DLG2: variants seen among roughly 807,000 people sequenced by gnomAD.
DLG2 encodes the protein disks large homolog 2.
Under a neutral mutation model 132.5 loss-of-function variants are expected in DLG2, and 45 were observed. That is an observed-to-expected ratio of 0.34 (90% CI 0.27 to 0.44). DLG2 has a LOEUF of 0.44. Among genes scored for constraint, DLG2 ranks in the 20% least tolerant of loss-of-function variants. The probability of loss-of-function intolerance (pLI) is 1.00; values close to 1 mark genes in which losing one functional copy is unlikely to be tolerated. For missense variants in DLG2, 1,045 were observed against 1,196.9 expected (o/e 0.87, Z 1.87); for synonymous variants, 424 against 419.6 (o/e 1.01, Z -0.13).
At chr11:84,658,858 C>T (rs150366276) in intron 6 of DLG2, among the ~76,000 whole-genome samples, 15 of 152,266 alleles carry the variant, frequency 9.9e-5, no homozygotes, top group African/African-American at 3.4e-4. Flanking sequence ...ATTATCCAGC[C>T]TCAGATATTC....
At chr11:85,537,719 C>T (rs1402454230) in intron 3 of DLG2, among the ~76,000 whole-genome samples, 2 of 151,718 alleles carry the variant, frequency 1.3e-5, no homozygotes, top group East Asian at 3.9e-4. Context: ...AGGTCTGCAG[C>T]TTCACTCCTG....
chr11:85,543,303 A>G (rs1004360780), intron 3 of DLG2, among the ~76,000 whole-genome samples: 1 of 152,202 alleles, frequency 6.6e-6, no homozygotes, highest in African/African-American at 2.4e-5. Context: ...ATGTCCCTGC[A>G]AAGGATATTA....
chr11:83,809,579 A>G (rs2046754223), intron 17 of DLG2, among the ~76,000 whole-genome samples: 2 of 152,136 alleles, frequency 1.3e-5, no homozygotes, highest in Admixed American at 6.6e-5. Context: ...TAAATTCTAT[A>G]TTTGCTCCTG....
intron 11 of DLG2, among the ~76,000 whole-genome samples, chr11:84,029,650 A>T (rs2095637880): frequency 6.6e-6 from 1 of 152,122 alleles, no homozygotes; most frequent in Admixed American, 6.6e-5. Context: ...ACACAACTCT[A>T]AGTGGCAGGT....
intron 18 of DLG2, among the ~76,000 whole-genome samples, chr11:83,672,378 T>C (rs1187586563): frequency 6.6e-6 from 1 of 152,084 alleles, no homozygotes; most frequent in African/African-American, 2.4e-5. Flanking sequence ...GGTTTCTCCA[T>C]GTTGGTCAGG....
intron 19 of DLG2, among the ~76,000 whole-genome samples, chr11:83,618,497 C>T (rs79092256): frequency 0.016 from 2,455 of 152,204 alleles, 68 homozygotes; most frequent in African/African-American, 0.057. Context: ...CGTTATTCCT[C>T]ATAAACTTTA....
intron 6 of DLG2, among the ~76,000 whole-genome samples, chr11:84,830,783 T>C (rs1455014952): frequency 6.6e-6 from 1 of 151,538 alleles, no homozygotes; most frequent in Non-Finnish European, 1.5e-5. Context: ...AATTTAATCT[T>C]AGAATATCTT....
chr11:85,351,959 G>A (rs1461385479), intron 3 of DLG2, among the ~76,000 whole-genome samples: 1 of 152,150 alleles, frequency 6.6e-6, no homozygotes, highest in African/African-American at 2.4e-5. Context: ...TTTTGCTATT[G>A]ATTGGAATAG....
chr11:85,145,798 GT>G (rs1392867214), intron 5 of DLG2, among the ~76,000 whole-genome samples: 1 of 151,926 alleles, frequency 6.6e-6, no homozygotes, highest in African/African-American at 2.4e-5. Flanking sequence ...GTTTCTGAAA[GT>G]TCATCTATTT....
chr11:85,242,241 C>T (rs1198261231), intron 4 of DLG2, among the ~76,000 whole-genome samples: 1 of 151,952 alleles, frequency 6.6e-6, no homozygotes, highest in Non-Finnish European at 1.5e-5. Context: ...TCCAGTGTTA[C>T]TATTGACAAA....
At chr11:84,415,177 G>A (rs987906768) in intron 7 of DLG2, among the ~76,000 whole-genome samples, 1 of 152,160 alleles carries the variant, frequency 6.6e-6, no homozygotes, top group African/African-American at 2.4e-5. Context: ...TCACATATCA[G>A]AACTTGTTCT....
chr11:83,791,084 A>T, intron 17 of DLG2: 1 of 689,026 alleles, frequency 1.5e-6, no homozygotes. Flanking sequence ...TCAGGGGTGG[A>T]CTCGGACTGG....
At chr11:84,143,182 A>G (rs959133713) in intron 9 of DLG2, among the ~76,000 whole-genome samples, 1 of 79,512 alleles carries the variant, frequency 1.3e-5, no homozygotes, top group African/African-American at 2.9e-5. Context: ...TTTTTTAGTC[A>G]GTATATAAAA....
intron 8 of DLG2, among the ~76,000 whole-genome samples, chr11:84,174,762 G>A (rs2095910773): frequency 6.6e-6 from 1 of 151,900 alleles, no homozygotes; most frequent in Non-Finnish European, 1.5e-5. Flanking sequence ...TTTTCTTATC[G>A]ATACCCTGGA....
chr11:84,288,401 AATAG>A (rs763585232), intron 7 of DLG2, among the ~76,000 whole-genome samples: 20 of 152,112 alleles, frequency 1.3e-4, no homozygotes, highest in Admixed American at 7.2e-4. Context: ...TGAGGGTGAT[AATAG>A]ATTTCTATTT....
At chr11:84,509,439 A>G (rs1234315435) in intron 7 of DLG2, among the ~76,000 whole-genome samples, 3 of 152,206 alleles carry the variant, frequency 2.0e-5, no homozygotes, top group Admixed American at 2.0e-4. Context: ...TTTCTGGACA[A>G]GTGAAACCTT....
intron 18 of DLG2, among the ~76,000 whole-genome samples, chr11:83,747,275 TCTTCCTTCC>T (rs2092976952): frequency 1.6e-5 from 2 of 121,582 alleles, no homozygotes; most frequent in South Asian, 2.9e-4. Context: ...TGCTTTAAAA[TCTTCCTTCC>T]TTCCTTCCTT....
intron 8 of DLG2, among the ~76,000 whole-genome samples, 183 bp from the exon 9 acceptor site, chr11:84,163,694 A>C (rs1293312641): frequency 6.6e-6 from 1 of 152,180 alleles, no homozygotes; most frequent in East Asian, 1.9e-4. Context: ...TCTAAAATAT[A>C]TGACTGAGAT....
chr11:84,800,959 C>G (rs114188053), intron 6 of DLG2, among the ~76,000 whole-genome samples: 256 of 152,208 alleles, frequency 1.7e-3, no homozygotes, highest in African/African-American at 5.9e-3. Context: ...GTGTAGTGTT[C>G]TTAATATGTA....
Sources: gnomAD v4.1 joint callset for allele counts (sites outside exome capture counted in the v4.1 genomes callset) on GRCh38, gnomAD v4.1.1 for gene constraint, MANE v1.5 for transcripts, NCBI Gene and HGNC (gene_info 2026-07-23, HGNC 2026-07-21) for gene names.